The following SNX31 variants were observed in gnomAD, a reference collection of about 807,000 sequenced individuals.
The protein encoded by SNX31 is sorting nexin 31, also known as sorting nexin-31.
A neutral mutation model predicts 65.4 loss-of-function variants in SNX31; 58 were observed. That is an observed-to-expected ratio of 0.89 (90% CI 0.72 to 1.10). SNX31 has a LOEUF of 1.10. Ranked by LOEUF, SNX31 falls within the 50% of genes least tolerant of loss-of-function variation. The pLI, the probability that SNX31 is intolerant of heterozygous loss-of-function variation, is 0.00. For synonymous variants in SNX31, 181 were observed against 190.1 expected (o/e 0.95, Z 0.39); for missense variants, 523 against 529.7 (o/e 0.99, Z 0.12).
At chr8:100,646,782 G>A (rs1055296011) in intron 2 of SNX31, among the ~76,000 whole-genome samples, 7 of 152,146 alleles carry the variant, frequency 4.6e-5, no homozygotes, top group African/African-American at 1.7e-4. Flanking sequence ...TACATTACAT[G>A]ATTCCAAAAT....
At chr8:100,643,176 GA>G (rs1364911685) in intron 2 of SNX31, among the ~76,000 whole-genome samples, 1 of 150,270 alleles carries the variant, frequency 6.7e-6, no homozygotes, top group Non-Finnish European at 1.5e-5. Context: ...TTAGGTGAAA[GA>G]GCGTGACTCC....
chr8:100,657,207 C>G (rs927716544), intron 1 of SNX31, among the ~76,000 whole-genome samples: 1 of 152,104 alleles, frequency 6.6e-6, no homozygotes, highest in Admixed American at 6.5e-5. Flanking sequence ...AATCCCAGCA[C>G]TTTGGGAGGC....
At chr8:100,596,594 T>C in intron 10 of SNX31, 45 bp downstream of exon 10, 1 of 1,544,586 alleles carries the variant, frequency 6.5e-7, no homozygotes, top group Non-Finnish European at 9.0e-7. Flanking sequence ...CCAAGGGTAC[T>C]AGGATTTTTA....
chr8:100,631,270 C>A (rs1818393447), intron 3 of SNX31, among the ~76,000 whole-genome samples: 1 of 152,076 alleles, frequency 6.6e-6, no homozygotes, highest in South Asian at 2.1e-4. Flanking sequence ...GGGGCAGACA[C>A]ACCCCCATGA....
intron 5 of SNX31, among the ~76,000 whole-genome samples, chr8:100,617,126 C>T (rs1310261101): frequency 2.0e-5 from 3 of 152,138 alleles, no homozygotes; most frequent in African/African-American, 7.2e-5. Flanking sequence ...TGGACTACAA[C>T]TCATGTCTGG....
chr8:100,573,994 TGAAAG>T (rs1403783471), intron 13 of SNX31, 34 bp from the exon 14 acceptor site: 1 of 1,238,356 alleles, frequency 8.1e-7, no homozygotes, highest in Non-Finnish European at 1.1e-6. Context: ...GAAATGTAAA[TGAAAG>T]GAAATCATTT....
intron 5 of SNX31, among the ~76,000 whole-genome samples, chr8:100,615,809 G>T (rs540983356): frequency 2.0e-5 from 3 of 152,168 alleles, no homozygotes; most frequent in Non-Finnish European, 2.9e-5. Flanking sequence ...TTGCTCTGTC[G>T]CCCAGGCTGG....
In SNX31 at chr8:100,640,156, T is replaced by G. The variant is rs966696603; in HGVS notation, c.142-4145A>C. ...TTTTCTTTTTTTTGGAGACAGAGTCTTGCTCTTGTTGCCCAGGCTGGAGTG... is the reference window on the plus strand; with the variant it reads ...TTTTCTTTTTTTTGGAGACAGAGTCGTGCTCTTGTTGCCCAGGCTGGAGTG... On this transcript the variant is annotated intron_variant, in intron 2 of 13. Coordinates refer to ENST00000311812, the MANE Select transcript of SNX31 (RefSeq NM_152628.4). Among the ~76,000 whole-genome samples the G allele has an allele frequency of 5.3e-5, 8 of 151,712 alleles. 1 individual carries two copies. The highest frequency in any genetic ancestry group is 1.0e-4 in the Non-Finnish European group (7 of 67,996).
upstream of SNX31, among the ~76,000 whole-genome samples, chr8:100,651,439 C>T (rs1342654156): frequency 6.6e-6 from 1 of 151,954 alleles, no homozygotes; most frequent in Non-Finnish European, 1.5e-5. Context: ...CAGTGAATGG[C>T]CTGGACCCTG....
chr8:100,596,964 C>A, intron 9 of SNX31, 122 bp from the exon 10 acceptor site: 1 of 807,728 alleles, frequency 1.2e-6, no homozygotes, highest in Non-Finnish European at 2.0e-6. Flanking sequence ...GGAACTGAGT[C>A]ACAGTGAAAG....
intron 2 of SNX31, among the ~76,000 whole-genome samples, chr8:100,641,952 G>A (rs1386348926): frequency 6.6e-6 from 1 of 151,896 alleles, no homozygotes; most frequent in African/African-American, 2.4e-5. Flanking sequence ...GGTGGCAGGT[G>A]CCTGTAGTCC....
In SNX31 at chr8:100,608,571, A is replaced by G; in HGVS notation, c.612-8T>C. 3 of 1,613,674 alleles carry G rather than the reference A, an allele frequency of 1.9e-6. No individual in the cohort carries two copies. Among genetic ancestry groups the G allele is most frequent in the Non-Finnish European group, 1.7e-6 (2 of 1,179,706 alleles). ...AGGGATGGAGCCATATACCTGCAAAATTCAGGAGTGTGAAATTCATTCCTG... is the reference window on the plus strand; with the variant it reads ...AGGGATGGAGCCATATACCTGCAAAGTTCAGGAGTGTGAAATTCATTCCTG... On this transcript the variant is annotated splice_polypyrimidine_tract_variant and splice_region_variant and intron_variant, in intron 7 of 13. Coordinates refer to ENST00000311812, the MANE Select transcript of SNX31 (RefSeq NM_152628.4).
rs1387821502 is a variant in SNX31, at chr8:100,630,014, G to T, written c.321+313C>A. On this transcript the variant is annotated intron_variant, in intron 4 of 13. Coordinates refer to ENST00000311812, the MANE Select transcript of SNX31 (RefSeq NM_152628.4). This position sits in a 1 kb window ranked among gnomAD's most constrained non-coding sequence, Gnocchi z 5.3. ...CTTAATGATAAAGGCTGTAGTTCTT[G>T]TACTGTACTTGAAGGTCCTCTTCTT... Among the ~76,000 whole-genome samples the T allele has an allele frequency of 6.6e-6, 1 of 152,178 alleles. No individual in the cohort carries two copies. The highest frequency in any genetic ancestry group is 1.5e-5 in the Non-Finnish European group (1 of 68,034).
chr8:100,616,899 C>A (rs1332088659), intron 5 of SNX31, among the ~76,000 whole-genome samples: 1 of 152,304 alleles, frequency 6.6e-6, no homozygotes, highest in South Asian at 2.1e-4. Flanking sequence ...ATGTTTATAA[C>A]TTTGTCTTTT....
chr8:100,646,222 C>A (rs1819626761), intron 2 of SNX31, among the ~76,000 whole-genome samples: 1 of 152,142 alleles, frequency 6.6e-6, no homozygotes, highest in East Asian at 1.9e-4. Context: ...AAAGAAATGG[C>A]CAAATAGTTG....
chr8:100,604,497 G>A lies in SNX31; in HGVS notation c.681+3997C>T, dbSNP rs919366509. On this transcript the variant is annotated intron_variant, in intron 8 of 13. Coordinates refer to ENST00000311812, the MANE Select transcript of SNX31 (RefSeq NM_152628.4). This position sits in a 1 kb window ranked among gnomAD's most constrained non-coding sequence, Gnocchi z 4.3. Reference sequence around the variant, plus strand: ...GACAAGGTCACCAGGCCATAGGGGAGTCAGGAAGCCAAAGGTCAGCCCCCC... The same window carrying A: ...GACAAGGTCACCAGGCCATAGGGGAATCAGGAAGCCAAAGGTCAGCCCCCC... 6.6e-6 allele frequency among the ~76,000 whole-genome samples: 1 copy of A among 152,204 alleles called. No individual in the cohort carries two copies. Among genetic ancestry groups the A allele is most frequent in the African/African-American group, 2.4e-5 (1 of 41,462 alleles).
intron 11 of SNX31, among the ~76,000 whole-genome samples, chr8:100,587,987 C>G (rs1814205837): frequency 6.6e-6 from 1 of 152,052 alleles, no homozygotes; most frequent in Non-Finnish European, 1.5e-5. Context: ...TAGAGCCTCC[C>G]ACTCTTAGGC....
intron 7 of SNX31, 98 bp downstream of exon 7, chr8:100,611,902 G>T: frequency 5.5e-6 from 5 of 911,630 alleles, no homozygotes; most frequent in Non-Finnish European, 7.0e-6. Context: ...GTCTCCAGCT[G>T]TCAGGCTATG....
intron 10 of SNX31, among the ~76,000 whole-genome samples, chr8:100,592,753 T>G (rs1251266048): frequency 6.6e-6 from 1 of 152,220 alleles, no homozygotes; most frequent in African/African-American, 2.4e-5. Flanking sequence ...ATGGGTAGAA[T>G]GTGCTATAAC....
Sources: allele counts gnomAD v4.1 joint callset (sites outside exome capture counted in the v4.1 genomes callset), GRCh38; gene constraint gnomAD v4.1.1; non-coding constraint Gnocchi (gnomAD v3.1); transcripts MANE v1.5; gene names NCBI Gene and HGNC (gene_info 2026-07-23, HGNC 2026-07-21).